Variants in ERGIC1 observed in about 807,000 individuals in gnomAD.
The protein encoded by ERGIC1 is endoplasmic reticulum-Golgi intermediate compartment protein 1.
Under a neutral mutation model 38.3 loss-of-function variants are expected in ERGIC1, and 19 were observed. That is an observed-to-expected ratio of 0.50 (90% CI 0.35 to 0.73). The LOEUF (loss-of-function observed/expected upper bound fraction) is 0.73, where lower values mean the gene tolerates loss of function less well. ERGIC1 is among the 30% of genes least tolerant of loss of function. ERGIC1 has a pLI of 0.01. For missense variants in ERGIC1, 294 were observed against 389.2 expected, an observed-to-expected ratio of 0.76 and a Z score of 2.06; for synonymous variants, 124 against 157.6, an observed-to-expected ratio of 0.79 and a Z score of 1.60.
chr5:172,948,870 G>A (rs996099475), intron 9 of ERGIC1, among the ~76,000 whole-genome samples: 3 of 152,148 alleles, frequency 2.0e-5, no homozygotes, highest in Non-Finnish European at 2.9e-5. Flanking sequence ...GCAACATAGC[G>A]AGACCTCACC....
chr5:172,879,641 C>T (rs999165507), intron 1 of ERGIC1, among the ~76,000 whole-genome samples: 1 of 152,198 alleles, frequency 6.6e-6, no homozygotes, highest in African/African-American at 2.4e-5. Flanking sequence ...CTGCCTAACT[C>T]CAGATTCTTG....
intron 3 of ERGIC1, among the ~76,000 whole-genome samples, chr5:172,902,265 C>T (rs1561726256): frequency 6.6e-6 from 1 of 152,072 alleles, no homozygotes; most frequent in Non-Finnish European, 1.5e-5. Context: ...CTGGAGGTCA[C>T]GGTGTTCTCA....
At chr5:172,870,465 G>A (rs1021611222) in intron 1 of ERGIC1, among the ~76,000 whole-genome samples, 1 of 152,174 alleles carries the variant, frequency 6.6e-6, no homozygotes, top group African/African-American at 2.4e-5. Flanking sequence ...AGGCCTGGCT[G>A]TCTCTCATTT....
chr5:172,948,510 G>A (rs1410165282), intron 9 of ERGIC1, among the ~76,000 whole-genome samples: 1 of 152,188 alleles, frequency 6.6e-6, no homozygotes, highest in Non-Finnish European at 1.5e-5. Flanking sequence ...TTTCTTCTGA[G>A]TCCTGTGGTC....
chr5:172,834,580 G>GCCCC lies in ERGIC1; in HGVS notation c.20+153_20+156dup, dbSNP rs68060196. On this transcript the variant is annotated intron_variant, in intron 1 of 9. Transcript: ENST00000393784. This position sits in a 1 kb window ranked among gnomAD's most constrained non-coding sequence, Gnocchi z 4.1. ...GCAGGCCCCTAGGGACCCCAGGCGAGCCCCCCCCCTGCCGCACACGAAGCC... is the reference window on the plus strand; with the variant it reads ...GCAGGCCCCTAGGGACCCCAGGCGAGCCCCCCCCCCCCCTGCCGCACACGAAGCC... 1.3e-3 allele frequency: 692 copies of GCCCC among 534,778 alleles called. 7 individuals carry two copies. In the African/African-American group the frequency reaches 0.015, roughly 11 times the overall value. 33.1% of individuals were successfully genotyped at this position (534,778 alleles called of 1,614,324 possible).
At chr5:172,950,331 A>G (rs1466931700) in intron 9 of ERGIC1, among the ~76,000 whole-genome samples, 1 of 152,222 alleles carries the variant, frequency 6.6e-6, no homozygotes, top group East Asian at 1.9e-4. Context: ...CACAGGCTCC[A>G]GAGTTAAGAC....
chr5:172,899,921 T>C, intron 3 of ERGIC1, among the ~76,000 whole-genome samples: 1 of 152,240 alleles, frequency 6.6e-6, no homozygotes, highest in East Asian at 1.9e-4. Context: ...GGTCCATATC[T>C]CTTCGTGCAT....
At chr5:172,891,142 C>G (rs1403125021) in intron 2 of ERGIC1, among the ~76,000 whole-genome samples, 2 of 152,238 alleles carry the variant, frequency 1.3e-5, no homozygotes, top group Non-Finnish European at 2.9e-5. Context: ...GGATGACTCT[C>G]CTTTTCTTCT....
chr5:172,905,391 G>C (rs1762991080), intron 3 of ERGIC1: 1 of 466,730 alleles, frequency 2.1e-6, no homozygotes, highest in Non-Finnish European at 4.5e-6. Flanking sequence ...GATCCTCCTC[G>C]GGCCTGTTAC....
chr5:172,856,670 T>A (rs1178236765), intron 1 of ERGIC1, among the ~76,000 whole-genome samples: 1 of 152,088 alleles, frequency 6.6e-6, no homozygotes, highest in Non-Finnish European at 1.5e-5. Context: ...TCCCTACAGC[T>A]TAGAGGAGGG....
At chr5:172,884,577 A>G (rs967453378) in intron 1 of ERGIC1, among the ~76,000 whole-genome samples, 8 of 152,236 alleles carry the variant, frequency 5.3e-5, no homozygotes, top group Non-Finnish European at 1.2e-4. Flanking sequence ...TCCTTTTGAC[A>G]TGTCCTTTTC....
chr5:172,864,355 C>T (rs529984516), intron 1 of ERGIC1, among the ~76,000 whole-genome samples: 1 of 149,512 alleles, frequency 6.7e-6, no homozygotes, highest in African/African-American at 2.5e-5. Flanking sequence ...GCAACCTCCA[C>T]CTGCCTCCAG....
At chr5:172,948,621 C>T (rs1764170455) in intron 9 of ERGIC1, among the ~76,000 whole-genome samples, 1 of 152,202 alleles carries the variant, frequency 6.6e-6, no homozygotes, top group South Asian at 2.1e-4. Flanking sequence ...CCATGGGTAC[C>T]TCAGTGAAGA....
At chr5:172,914,614 C>A (rs751914476) in intron 4 of ERGIC1, 100 bp from the exon 5 acceptor site, 139 of 1,601,662 alleles carry the variant, frequency 8.7e-5, no homozygotes, top group Non-Finnish European at 1.1e-4. Context: ...CCCGGCCTGC[C>A]CCTGCAATGG....
chr5:172,894,217 A>T (rs1762664811), intron 2 of ERGIC1, among the ~76,000 whole-genome samples: 1 of 56,350 alleles, frequency 1.8e-5, no homozygotes, highest in African/African-American at 7.4e-5. Flanking sequence ...TTTTTTTGAG[A>T]CGGAGTCTTG....
intron 1 of ERGIC1, among the ~76,000 whole-genome samples, chr5:172,860,037 C>T (rs1761656543): frequency 6.6e-6 from 1 of 152,200 alleles, no homozygotes; most frequent in Admixed American, 6.5e-5. Context: ...TTTAATCTTA[C>T]CTTTGAAGAA....
At chr5:172,885,604 A>G (rs1413836573) in intron 1 of ERGIC1, among the ~76,000 whole-genome samples, 2 of 152,064 alleles carry the variant, frequency 1.3e-5, no homozygotes, top group African/African-American at 2.4e-5. Context: ...CCCTCATTTC[A>G]TACTCAGAGA....
intron 5 of ERGIC1, among the ~76,000 whole-genome samples, chr5:172,921,050 C>A (rs868786610): frequency 1.5e-4 from 23 of 152,344 alleles, no homozygotes; most frequent in Middle Eastern, 6.8e-3. Context: ...TGGTTGGCTC[C>A]GATGACAAAC....
At chr5:172,845,294 G>A (rs1363172018) in intron 1 of ERGIC1, among the ~76,000 whole-genome samples, 2 of 152,192 alleles carry the variant, frequency 1.3e-5, no homozygotes, top group Admixed American at 1.3e-4. Flanking sequence ...TGCTGGAGAG[G>A]AGGCCGGGCC....
Sources: allele counts gnomAD v4.1 joint callset (sites outside exome capture counted in the v4.1 genomes callset), GRCh38; gene constraint gnomAD v4.1.1; non-coding constraint Gnocchi (gnomAD v3.1); transcripts MANE v1.5; gene names NCBI Gene and HGNC (gene_info 2026-07-23, HGNC 2026-07-21).